HMGCLL1: variants seen among roughly 807,000 people sequenced by gnomAD.
HMGCLL1 encodes the protein 3-hydroxymethyl-3-methylglutaryl-CoA lyase, cytoplasmic.
HMGCLL1 carries 36 observed loss-of-function variants against 39.1 expected under a neutral mutation model. The observed-to-expected ratio is 0.92, with a 90% CI of 0.71 to 1.22. HMGCLL1 has a LOEUF of 1.22. HMGCLL1 is among the 50% of genes most tolerant of loss of function. HMGCLL1 has a pLI of 0.00. For synonymous variants in HMGCLL1, 149 were observed against 144.0 expected (o/e 1.03, Z -0.25); for missense variants, 451 against 416.5 (o/e 1.08, Z -0.72).
chr6:55,591,161 C>T, the HMGCLL1 span, among the ~76,000 whole-genome samples: 1 of 151,896 alleles, frequency 6.6e-6, no homozygotes, highest in African/African-American at 2.4e-5. Flanking sequence ...TCCAAGAGAG[C>T]TTCTTTAGAG....
At chr6:55,449,462 CAT>C (rs1440850534) in intron 7 of HMGCLL1, among the ~76,000 whole-genome samples, 1 of 152,192 alleles carries the variant, frequency 6.6e-6, no homozygotes, top group Non-Finnish European at 1.5e-5. Context: ...TTACCAGGAA[CAT>C]GTGTGGTGGG....
At chr6:55,441,934 C>T (rs991603108) in intron 7 of HMGCLL1, among the ~76,000 whole-genome samples, 1 of 151,864 alleles carries the variant, frequency 6.6e-6, no homozygotes, top group South Asian at 2.1e-4. Context: ...CAAGTGATCC[C>T]CCCTCCTCAG....
the HMGCLL1 span, among the ~76,000 whole-genome samples, chr6:55,627,881 TTA>T: frequency 2.3e-5 from 1 of 43,476 alleles, no homozygotes; most frequent in South Asian, 6.0e-4. Context: ...ATAAACTCCC[TTA>T]TATATATATA....
At chr6:55,637,999 C>T in the HMGCLL1 span, among the ~76,000 whole-genome samples, 1 of 152,076 alleles carries the variant, frequency 6.6e-6, no homozygotes, top group South Asian at 2.1e-4. Context: ...TCACTTTGAA[C>T]ATGATCTAAA....
chr6:55,454,425 G>A (rs1257354589), intron 7 of HMGCLL1, among the ~76,000 whole-genome samples: 2 of 152,228 alleles, frequency 1.3e-5, no homozygotes, highest in African/African-American at 2.4e-5. Flanking sequence ...CAAAGGCTAA[G>A]TGAGATACCT....
At chr6:55,650,134 TACAC>T in the HMGCLL1 span, among the ~76,000 whole-genome samples, 1,142 of 53,194 alleles carry the variant, frequency 0.021, 42 homozygotes, top group East Asian at 0.085. Flanking sequence ...TATATATATA[TACAC>T]ACACACACAC....
At chr6:55,608,084 C>A in the HMGCLL1 span, among the ~76,000 whole-genome samples, 1 of 152,138 alleles carries the variant, frequency 6.6e-6, no homozygotes, top group African/African-American at 2.4e-5. Flanking sequence ...TAATTTGCCT[C>A]TTATATTAGT....
chr6:55,549,373 A>AGT (rs70986732), intron 1 of HMGCLL1, among the ~76,000 whole-genome samples: 25,654 of 145,340 alleles, frequency 0.18, 2,394 homozygotes, highest in Admixed American at 0.27. Flanking sequence ...CAAATACAGA[A>AGT]GTGTGTGTGT....
chr6:55,532,002 C>T (rs1312881292), intron 3 of HMGCLL1, among the ~76,000 whole-genome samples: 2 of 152,076 alleles, frequency 1.3e-5, no homozygotes, highest in Admixed American at 1.3e-4. Flanking sequence ...GCACTTGAAT[C>T]ATCTGGAAAC....
At chr6:55,529,514 T>C (rs1490818873) in intron 3 of HMGCLL1, among the ~76,000 whole-genome samples, 1 of 151,824 alleles carries the variant, frequency 6.6e-6, no homozygotes, top group African/African-American at 2.4e-5. Flanking sequence ...AAAAGGGTCT[T>C]ATTACCACAA....
chr6:55,458,068 T>C (rs1384328485), intron 7 of HMGCLL1, among the ~76,000 whole-genome samples: 1 of 152,180 alleles, frequency 6.6e-6, no homozygotes, highest in Admixed American at 6.5e-5. Context: ...CTAGATACCT[T>C]TTCTAGAAAC....
rs781593132 is a variant in HMGCLL1, at chr6:55,439,445, C to CCA, written c.908_909dup (p.Gly304TrpfsTer7). On this transcript the variant is annotated frameshift_variant, in exon 8 of 9. Coordinates refer to ENST00000274901, the MANE Select transcript of HMGCLL1 (RefSeq NM_001042406.2). LOFTEE classifies it high-confidence loss of function. ...TTAAAGTAACTTACTGTATTGAGCCCCAGGCCATTAAGCATATATATCAAA... is the reference window on the plus strand; with the variant it reads ...TTAAAGTAACTTACTGTATTGAGCCCCACAGGCCATTAAGCATATATATCAAA... 1 of 1,611,816 alleles carries CCA rather than the reference C, an allele frequency of 6.2e-7. No individual in the cohort carries two copies. The highest frequency in any genetic ancestry group is 1.3e-5 in the African/African-American group (1 of 74,758).
At chr6:55,647,773 T>TA in the HMGCLL1 span, among the ~76,000 whole-genome samples, 22,133 of 134,844 alleles carry the variant, frequency 0.16, 1,554 homozygotes, top group African/African-American at 0.2. Flanking sequence ...TATTTTATTT[T>TA]TTTTTTTTAT....
At chr6:55,535,574 G>A (rs1472272502) in intron 3 of HMGCLL1, among the ~76,000 whole-genome samples, 1 of 152,044 alleles carries the variant, frequency 6.6e-6, no homozygotes, top group Admixed American at 6.5e-5. Context: ...TTTTAAGTCA[G>A]GCTCATTTGG....
At chr6:55,592,466 T>C in the HMGCLL1 span, among the ~76,000 whole-genome samples, 2 of 152,184 alleles carry the variant, frequency 1.3e-5, no homozygotes, top group Non-Finnish European at 2.9e-5. Flanking sequence ...TCTTCAACAA[T>C]AGAATAGCTT....
intron 5 of HMGCLL1, among the ~76,000 whole-genome samples, chr6:55,508,779 C>T (rs944317292): frequency 2.6e-5 from 4 of 151,842 alleles, no homozygotes; most frequent in East Asian, 1.9e-4. Context: ...AACCACAATC[C>T]GTGCTGAATT....
intron 1 of HMGCLL1, among the ~76,000 whole-genome samples, chr6:55,572,037 A>G (rs1242780834): frequency 6.6e-6 from 1 of 152,108 alleles, no homozygotes; most frequent in Non-Finnish European, 1.5e-5. Flanking sequence ...AGTAGAGAAG[A>G]ATTTTTTCAA....
the HMGCLL1 span, among the ~76,000 whole-genome samples, chr6:55,660,373 T>A: frequency 5.9e-5 from 9 of 151,772 alleles, no homozygotes; most frequent in Non-Finnish European, 1.2e-4. Flanking sequence ...TCCTCCCACC[T>A]TCCACTCGCA....
At chr6:55,502,712 GGT>G (rs1491487233) in intron 5 of HMGCLL1, among the ~76,000 whole-genome samples, 26 of 71,546 alleles carry the variant, frequency 3.6e-4, no homozygotes, top group African/African-American at 1.1e-3. Flanking sequence ...GTAAAGATCT[GGT>G]TTTTTTTTTT....
Sources: allele counts gnomAD v4.1 joint callset (sites outside exome capture counted in the v4.1 genomes callset), GRCh38; gene constraint gnomAD v4.1.1; transcripts MANE v1.5; gene names NCBI Gene and HGNC (gene_info 2026-07-23, HGNC 2026-07-21).